Variants in TRMO observed in about 807,000 individuals in gnomAD.
The protein encoded by TRMO is tRNA (adenine(37)-N6)-methyltransferase.
In TRMO, 30 loss-of-function variants were observed where a neutral mutation model predicts 37.2. That is an observed-to-expected ratio of 0.81 (90% CI 0.60 to 1.09). The LOEUF (loss-of-function observed/expected upper bound fraction) is 1.09, where lower values mean the gene tolerates loss of function less well. Ranked by LOEUF, TRMO falls within the 50% of genes least tolerant of loss-of-function variation. The pLI is 0.00. For synonymous variants in TRMO, 239 were observed against 199.4 expected (o/e 1.20, Z -1.67); for missense variants, 552 against 549.5 (o/e 1.00, Z -0.05).
chr9:97,920,579 T>TA (rs956848861), intron 1 of TRMO, among the ~76,000 whole-genome samples: 1 of 152,248 alleles, frequency 6.6e-6, no homozygotes, highest in African/African-American at 2.4e-5. Context: ...GAGTGCTTTT[T>TA]AAAGTCCCTG....
At position 97,905,132 on chromosome 9, in the gene TRMO, G is replaced by A. The variant is rs1461631505; in HGVS notation, c.1067-140C>T. On this transcript the variant is annotated intron_variant, in intron 4 of 4. Transcript: ENST00000375119. ...GTTTGGAAAACTATTTGATCATTAC[G>A]GAGACTGTCACCGTCAAGAGGTGTT... 4.0e-5 allele frequency: 37 copies of A among 920,694 alleles called. No homozygotes were observed. The Middle Eastern group carries it at 6.8e-4, about 17-fold the overall frequency. 57.0% of individuals were successfully genotyped at this position (920,694 alleles called of 1,614,324 possible).
rs755525620 is a variant in TRMO at position 97,910,042 on chromosome 9, C to G, written c.984G>C (p.Trp328Cys). The G allele has an allele frequency of 4.3e-6, 7 of 1,610,076 alleles. No individual in the cohort carries two copies. The highest frequency in any genetic ancestry group is 5.9e-6 in the Non-Finnish European group (7 of 1,177,294). Residue 328 changes from tryptophan to cysteine, a missense_variant, in exon 4 of 5, where the codon TGG (tryptophan) becomes TGC (cysteine). Trp to Cys is a radical substitution (Grantham distance 215). Coordinates refer to ENST00000375119, the MANE Select transcript of TRMO (RefSeq NM_016481.5). ...DGAPRSVVPA[W>C]VTEAPVATLE... The stretch of plus-strand genomic sequence containing the variant: ...AAGTGGCCACAGGAGCCTCTGTCAC[C>G]CAGGCAGGAACCACGCTGCGGGGAG...
At chr9:97,921,840 C>T (rs1826653991) in intron 1 of TRMO, among the ~76,000 whole-genome samples, 1 of 152,004 alleles carries the variant, frequency 6.6e-6, no homozygotes, top group Non-Finnish European at 1.5e-5. Context: ...AAGAAACAAG[C>T]GTGGAAGGTA....
intron 3 of TRMO, chr9:97,910,859 G>T: frequency 1.7e-6 from 1 of 588,300 alleles, no homozygotes; most frequent in East Asian, 3.0e-5. Flanking sequence ...AGCCTTTCTG[G>T]CTCCTCCAGA....
Position 97,910,460 on chromosome 9 carries a change from G to T in TRMO, c.566C>A (p.Ser189Tyr). Reference protein sequence around the residue: ...QNNQHTPNTVSQSDSKTDSCD... With the variant: ...QNNQHTPNTVYQSDSKTDSCD... ...GCTGTCAGTCTTGCTGTCAGACTGG[G>T]ACACAGTGTTTGGTGTATGTTGGTT... is the stretch of plus-strand genomic sequence containing the variant. Residue 189 changes from serine to tyrosine, a missense_variant, in exon 4 of 5, where the codon TCC (serine) becomes TAC (tyrosine). Coordinates refer to ENST00000375119, the MANE Select transcript of TRMO (RefSeq NM_016481.5). 2 of 1,614,168 alleles carry T rather than the reference G, an allele frequency of 1.2e-6. No individual in the cohort carries two copies. Among genetic ancestry groups the T allele is most frequent in the Non-Finnish European group, 1.7e-6 (2 of 1,180,012 alleles).
intron 4 of TRMO, among the ~76,000 whole-genome samples, chr9:97,905,699 C>T (rs1328416283): frequency 2.6e-5 from 4 of 152,178 alleles, no homozygotes; most frequent in Admixed American, 2.6e-4. Context: ...AGGTACAGAT[C>T]TTAAAAACAC....
Position 97,910,606 on chromosome 9 carries a change from T to C in TRMO, c.420A>G (p.Ile140Met), listed in dbSNP as rs183394712. ...GTATCATGTCAATTCCAGAAAGGTA[T>C]ATAGCTCCACCTATGACATAAAAAC... ...AKLEKVEGGA[I>M]YLSGIDMIHG... is the part of the protein sequence containing the mutation. Residue 140 changes from isoleucine (I) to methionine (M), a missense_variant, in exon 4 of 5, where the codon ATA (isoleucine) becomes ATG (methionine). Ile to Met is a conservative substitution (Grantham distance 10). Coordinates refer to ENST00000375119, the MANE Select transcript of TRMO (RefSeq NM_016481.5). The C allele has an allele frequency of 1.2e-6, 2 of 1,613,662 alleles. No homozygotes were observed. Among genetic ancestry groups the C allele is most frequent in the East Asian group, 2.2e-5 (1 of 44,880 alleles).
In TRMO at chr9:97,910,437, T is replaced by TG. The variant is rs1202209673; in HGVS notation, c.588dup (p.Ser197GlnfsTer3). ...CCTGAGAGCTGTCGCTGGTCACAGC[T>TG]GTCAGTCTTGCTGTCAGACTGGGAC... On this transcript the variant is annotated frameshift_variant, in exon 4 of 5. Transcript: ENST00000375119. LOFTEE classifies it high-confidence loss of function. 10 of 1,614,080 alleles carry TG rather than the reference T, an allele frequency of 6.2e-6. No individual in the cohort carries two copies. The highest frequency in any genetic ancestry group is 1.7e-5 in the Admixed American group (1 of 60,012).
At chr9:97,900,448 G>A (rs1831144279), downstream of TRMO, among the ~76,000 whole-genome samples, 1 of 152,220 alleles carries the variant, frequency 6.6e-6, no homozygotes, top group Admixed American at 6.5e-5. Flanking sequence ...GGGCGTTTCT[G>A]CCCTTATTCC....
At chr9:97,918,637 T>G (rs66990486) in intron 1 of TRMO, among the ~76,000 whole-genome samples, 1 of 151,988 alleles carries the variant, frequency 6.6e-6, no homozygotes, top group Non-Finnish European at 1.5e-5. Context: ...ACTATAGGTC[T>G]GGGGCTGTCC....
chr9:97,904,520 A>G lies in TRMO; in HGVS notation c.*213T>C. The G allele has an allele frequency of 7.2e-7, 1 of 1,380,178 alleles. No individual in the cohort carries two copies. The highest frequency in any genetic ancestry group is 1.4e-5 in the African/African-American group (1 of 69,090). 85.5% of individuals were successfully genotyped at this position (1,380,178 alleles called of 1,614,324 possible). A position where few individuals can be genotyped will look rare whatever the true frequency, so the allele number is the denominator to read the frequency against. On this transcript the variant is annotated 3_prime_UTR_variant, in exon 5 of 5. Transcript: ENST00000375119. ...TTTGATTCTTTAATATCAACAGATC[A>G]AAAAGCATTTGGTGATTTCTCTGTA...
the TRMO span, among the ~76,000 whole-genome samples, chr9:97,897,865 A>T: frequency 2.8e-3 from 426 of 151,754 alleles, 7 homozygotes; most frequent in East Asian, 0.065. Flanking sequence ...TTTTTTTTAA[A>T]TTTTTTTTAG....
chr9:97,915,657 A>G (rs1326010591), intron 2 of TRMO: 1 of 152,276 alleles, frequency 6.6e-6, no homozygotes, highest in African/African-American at 2.4e-5. Flanking sequence ...AGATAATCAT[A>G]TGCACAAATA....
In TRMO at chr9:97,904,610, AAATC is replaced by A; in HGVS notation, c.*119_*122del. 4 of 1,519,794 alleles carry A rather than the reference AAATC, an allele frequency of 2.6e-6. No homozygotes were observed. The highest frequency in any genetic ancestry group is 1.4e-5 in the African/African-American group (1 of 71,826). The allele number at this position is 1,519,794 out of a possible 1,614,324, so 94.1% of individuals were successfully genotyped here. Reference sequence around the variant, plus strand: ...TTCAAATAAACATTTTGAACAGCCCAAATCAATCAAAGCCATGAGATCACAAAGT... The same window carrying A: ...TTCAAATAAACATTTTGAACAGCCCAAATCAAAGCCATGAGATCACAAAGT... On this transcript the variant is annotated 3_prime_UTR_variant, in exon 5 of 5. Coordinates refer to ENST00000375119, the MANE Select transcript of TRMO (RefSeq NM_016481.5).
At chr9:97,908,509 A>G (rs759688505) in intron 4 of TRMO, among the ~76,000 whole-genome samples, 1 of 151,924 alleles carries the variant, frequency 6.6e-6, no homozygotes, top group Non-Finnish European at 1.5e-5. Context: ...GGACTGCTTG[A>G]GCCCGGAAGG....
In TRMO at chr9:97,916,325, A is replaced by G. The variant is rs768131532; in HGVS notation, c.90T>C (p.Thr30=). The G allele has an allele frequency of 6.2e-7, 1 of 1,610,180 alleles. No individual in the cohort carries two copies. The highest frequency in any genetic ancestry group is 8.5e-7 in the Non-Finnish European group (1 of 1,178,468). Residue 30 remains threonine (T), a synonymous_variant, in exon 2 of 5, where the codon ACT becomes ACC. Coordinates refer to ENST00000375119, the MANE Select transcript of TRMO (RefSeq NM_016481.5). ...KPALETGNLL[T]EPVGYLESCF... is the part of the protein sequence containing the mutation. ...AAGATTCCAAGTAGCCGACTGGCTC[A>G]GTTAAAAGATTCCCTACAGGAGAAA...
In TRMO at chr9:97,910,620, T is replaced by A; in HGVS notation, c.410-4A>T. 1 of 1,612,016 alleles carries A rather than the reference T, an allele frequency of 6.2e-7. No homozygotes were observed. Among genetic ancestry groups the A allele is most frequent in the East Asian group, 2.2e-5 (1 of 44,862 alleles). ...CCAGAAAGGTATATAGCTCCACCTA[T>A]GACATAAAAACGTGAAAAATGAAGA... On this transcript the variant is annotated splice_polypyrimidine_tract_variant and splice_region_variant and intron_variant, in intron 3 of 4. Coordinates refer to ENST00000375119, the MANE Select transcript of TRMO (RefSeq NM_016481.5).
At chr9:97,908,881 C>T (rs1160351382) in intron 4 of TRMO, among the ~76,000 whole-genome samples, 2 of 152,158 alleles carry the variant, frequency 1.3e-5, no homozygotes, top group African/African-American at 4.8e-5. Context: ...GAACTTCCCT[C>T]TTTATATGGT....
At chr9:97,901,543 AGTGT>A (rs1446382741), downstream of TRMO, among the ~76,000 whole-genome samples, 1 of 152,172 alleles carries the variant, frequency 6.6e-6, no homozygotes, top group African/African-American at 2.4e-5. Flanking sequence ...TTTTAGGATT[AGTGT>A]GTATTTGTGT....
Sources: gnomAD v4.1 joint callset for allele counts (sites outside exome capture counted in the v4.1 genomes callset) on GRCh38, gnomAD v4.1.1 for gene constraint, MANE v1.5 for transcripts, NCBI Gene and HGNC (gene_info 2026-07-23, HGNC 2026-07-21) for gene names.